The following HS3ST4 variants were observed in gnomAD, a reference collection of about 807,000 sequenced individuals.
The protein encoded by HS3ST4 is heparan sulfate glucosamine 3-O-sulfotransferase 4.
Under a neutral mutation model 29.2 loss-of-function variants are expected in HS3ST4, and 17 were observed. That is an observed-to-expected ratio of 0.58 (90% CI 0.40 to 0.87). The LOEUF (loss-of-function observed/expected upper bound fraction) is 0.87. Ranked by LOEUF, HS3ST4 falls within the 40% of genes least tolerant of loss-of-function variation. The pLI is 0.00. For missense variants in HS3ST4, 627 were observed against 634.5 expected (o/e 0.99, Z 0.13); for synonymous variants, 314 against 285.7 (o/e 1.10, Z -1.00).
intron 1 of HS3ST4, among the ~76,000 whole-genome samples, chr16:26,010,176 C>A (rs906336240): frequency 6.6e-6 from 1 of 152,008 alleles, no homozygotes; most frequent in Non-Finnish European, 1.5e-5. Flanking sequence ...AAATGTGGCC[C>A]GGCGCGGTGA....
intron 1 of HS3ST4, among the ~76,000 whole-genome samples, chr16:25,853,894 C>T (rs1967546588): frequency 6.6e-6 from 1 of 152,112 alleles, no homozygotes; most frequent in Admixed American, 6.5e-5. Flanking sequence ...AGTGTTCCCT[C>T]CTCTTCAAGT....
At chr16:25,756,150 A>ACG (rs1355772545) in intron 1 of HS3ST4, among the ~76,000 whole-genome samples, 3 of 83,812 alleles carry the variant, frequency 3.6e-5, no homozygotes, top group Admixed American at 2.6e-4. Flanking sequence ...ACACACACAC[A>ACG]CACGCACACA....
intron 1 of HS3ST4, among the ~76,000 whole-genome samples, chr16:25,898,855 C>T (rs980991668): frequency 5.3e-5 from 8 of 152,194 alleles, no homozygotes; most frequent in African/African-American, 1.4e-4. Flanking sequence ...ACAAGACTTA[C>T]GTGAGAATTT....
chr16:25,763,173 C>A (rs1034635729), intron 1 of HS3ST4, among the ~76,000 whole-genome samples: 2 of 152,134 alleles, frequency 1.3e-5, no homozygotes, highest in Non-Finnish European at 2.9e-5. Context: ...TGCCACTACC[C>A]CAGGTAAGGT....
chr16:25,762,125 G>A (rs950381705), intron 1 of HS3ST4, among the ~76,000 whole-genome samples: 23 of 152,336 alleles, frequency 1.5e-4, no homozygotes, highest in African/African-American at 5.3e-4. Context: ...ATAAGAGGAT[G>A]TAACCGAGAA....
intron 1 of HS3ST4, among the ~76,000 whole-genome samples, chr16:25,836,136 C>T (rs979900026): frequency 6.6e-6 from 1 of 152,122 alleles, no homozygotes; most frequent in African/African-American, 2.4e-5. Flanking sequence ...GTGGCCTCCC[C>T]TCGCCAAATC....
intron 1 of HS3ST4, among the ~76,000 whole-genome samples, chr16:26,105,407 TG>T (rs1478339882): frequency 6.6e-6 from 1 of 152,206 alleles, no homozygotes; most frequent in Non-Finnish European, 1.5e-5. Context: ...GCTCATTTCC[TG>T]GGTGATTGGT....
intron 1 of HS3ST4, among the ~76,000 whole-genome samples, chr16:26,003,663 G>A (rs954954241): frequency 1.3e-5 from 2 of 152,164 alleles, no homozygotes; most frequent in African/African-American, 4.8e-5. Context: ...AGCTACCCCT[G>A]AACTGGCCAC....
intron 1 of HS3ST4, among the ~76,000 whole-genome samples, chr16:26,089,432 C>G (rs181833182): frequency 6.6e-6 from 1 of 152,134 alleles, no homozygotes; most frequent in African/African-American, 2.4e-5. Context: ...GGGTTGGAAA[C>G]AGGAGCCGTA....
intron 1 of HS3ST4, among the ~76,000 whole-genome samples, chr16:25,894,203 C>T (rs1385442393): frequency 6.6e-6 from 1 of 152,098 alleles, no homozygotes; most frequent in East Asian, 1.9e-4. Flanking sequence ...ATCAGATTTC[C>T]AGATGCTGTG....
chr16:25,860,131 C>T (rs772617650), intron 1 of HS3ST4, among the ~76,000 whole-genome samples: 3 of 152,138 alleles, frequency 2.0e-5, no homozygotes, highest in African/African-American at 7.2e-5. Context: ...TTGTCTTTCA[C>T]GAAACCAATC....
intron 1 of HS3ST4, among the ~76,000 whole-genome samples, chr16:25,781,993 A>G (rs1596569061): frequency 6.6e-6 from 1 of 152,288 alleles, no homozygotes. Context: ...TGGGTAATTT[A>G]TAAAGGAAAG....
intron 1 of HS3ST4, among the ~76,000 whole-genome samples, chr16:26,088,287 C>G (rs756493762): frequency 6.6e-6 from 1 of 152,180 alleles, no homozygotes; most frequent in South Asian, 2.1e-4. Flanking sequence ...CCAGTCCTCC[C>G]AGGGATTGTG....
intron 1 of HS3ST4, among the ~76,000 whole-genome samples, chr16:25,891,989 A>G (rs1323456974): frequency 2.0e-5 from 3 of 152,172 alleles, no homozygotes; most frequent in Non-Finnish European, 4.4e-5. Context: ...CATAGCAGGT[A>G]CTCAGAACAG....
chr16:25,819,769 C>G (rs372470987), intron 1 of HS3ST4, among the ~76,000 whole-genome samples: 1 of 151,820 alleles, frequency 6.6e-6, no homozygotes, highest in East Asian at 1.9e-4. Flanking sequence ...CTGTCTTTTC[C>G]GGGACTGGAA....
At chr16:25,850,511 T>G (rs1009122474) in intron 1 of HS3ST4, among the ~76,000 whole-genome samples, 2 of 152,212 alleles carry the variant, frequency 1.3e-5, no homozygotes, top group African/African-American at 4.8e-5. Context: ...TACTTCTAAA[T>G]TCTGGCTCTT....
At chr16:25,886,616 G>A (rs1967956255) in intron 1 of HS3ST4, 1 of 152,182 alleles carries the variant, frequency 6.6e-6, no homozygotes, top group South Asian at 2.1e-4. Context: ...GGGGTGAGAA[G>A]GAAACAAGTT....
At chr16:25,918,471 T>A (rs565715787) in intron 1 of HS3ST4, among the ~76,000 whole-genome samples, 65 of 152,304 alleles carry the variant, frequency 4.3e-4, no homozygotes, top group Non-Finnish European at 9.3e-4. Context: ...AGCATGCATG[T>A]GCACAAGAGT....
chr16:25,701,316 G>A (rs1303934893), intron 1 of HS3ST4, among the ~76,000 whole-genome samples: 3 of 152,218 alleles, frequency 2.0e-5, no homozygotes, highest in African/African-American at 7.2e-5. Context: ...AGCAATAATT[G>A]TGTGGGATTC....
Sources: allele counts gnomAD v4.1 joint callset (sites outside exome capture counted in the v4.1 genomes callset), GRCh38; gene constraint gnomAD v4.1.1; transcripts MANE v1.5; gene names NCBI Gene and HGNC (gene_info 2026-07-23, HGNC 2026-07-21).